SPAG17: variants seen among roughly 807,000 people sequenced by gnomAD.
The protein encoded by SPAG17 is sperm-associated antigen 17.
Under a neutral mutation model 273.6 loss-of-function variants are expected in SPAG17, and 169 were observed. The ratio of observed to expected loss-of-function variants is 0.62; its 90% confidence interval spans 0.55 to 0.70. SPAG17 has a LOEUF of 0.70. Among genes scored for constraint, SPAG17 ranks in the 30% least tolerant of loss-of-function variants. SPAG17 has a pLI of 0.00. For missense variants in SPAG17, 2,557 were observed against 2,627.8 expected, an observed-to-expected ratio of 0.97 and a Z score of 0.59; for synonymous variants, 825 against 873.2, an observed-to-expected ratio of 0.94 and a Z score of 0.97.
intron 1 of SPAG17, among the ~76,000 whole-genome samples, chr1:118,151,642 A>C (rs895300819): frequency 2.0e-5 from 3 of 152,266 alleles, no homozygotes; most frequent in African/African-American, 7.2e-5. Flanking sequence ...TTTCACTAGA[A>C]TGTTGTCCAA....
At chr1:118,034,787 GAATGTAAAACATAAGTT>G (rs984330103) in intron 24 of SPAG17, among the ~76,000 whole-genome samples, 2 of 152,172 alleles carry the variant, frequency 1.3e-5, no homozygotes, top group African/African-American at 4.8e-5. Flanking sequence ...TTTGGGTAAA[GAATGTAAAACATAAGTT>G]GGGGCCTGAT....
At chr1:118,043,554 T>C (rs1650013231) in intron 20 of SPAG17, among the ~76,000 whole-genome samples, 4 of 152,202 alleles carry the variant, frequency 2.6e-5, no homozygotes, top group Admixed American at 2.0e-4. Flanking sequence ...TCAATTGTAA[T>C]GGTATCGTGA....
intron 10 of SPAG17, among the ~76,000 whole-genome samples, chr1:118,090,506 A>C (rs1655297803): frequency 6.6e-6 from 1 of 152,218 alleles, no homozygotes; most frequent in Non-Finnish European, 1.5e-5. Flanking sequence ...GCCTTAAATA[A>C]AGCAAAAAGA....
intron 28 of SPAG17, among the ~76,000 whole-genome samples, chr1:118,016,501 T>C (rs1484606411): frequency 1.3e-5 from 2 of 152,214 alleles, no homozygotes; most frequent in African/African-American, 2.4e-5. Context: ...TACTTCTCTC[T>C]GGGTCCCAGA....
At chr1:117,999,880 A>C (rs1468798241) in intron 32 of SPAG17, among the ~76,000 whole-genome samples, 1 of 152,084 alleles carries the variant, frequency 6.6e-6, no homozygotes, top group Non-Finnish European at 1.5e-5. Flanking sequence ...TTGGTGTTTT[A>C]GTCATGAAGT....
intron 16 of SPAG17, 91 bp from the exon 17 acceptor site, chr1:118,074,058 C>A: frequency 1.3e-6 from 1 of 787,132 alleles, no homozygotes; most frequent in Non-Finnish European, 2.0e-6. Flanking sequence ...AGTATGTACT[C>A]CATCTAATTG....
At position 117,973,627 on chromosome 1, in the gene SPAG17, C is replaced by T. The variant is rs905851157; in HGVS notation, c.6005-66G>A. The T allele has an allele frequency of 2.7e-5, 41 of 1,513,672 alleles. No individual in the cohort carries two copies. The African/African-American group carries it at 5.3e-4, about 19-fold the overall frequency. The allele number at this position is 1,513,672 out of a possible 1,614,324, so 93.8% of individuals were successfully genotyped here. ...TATTCAAACACATTTGAAGTAATAT[C>T]AGAATGTATGACAACAGAAACCAAC... On this transcript the variant is annotated intron_variant, in intron 43 of 48. Transcript: ENST00000336338.
chr1:118,041,919 T>C lies in SPAG17; in HGVS notation c.2938A>G (p.Ser980Gly), dbSNP rs964749041. ...GGTGATTTTTTCTTCAAAGACCTAC[T>C]ATCCTCTTTCTCTGCGTTATCCTTG... ...KGKDNAEKEDSRSLKKKSPYK... is the reference protein window; with the variant it reads ...KGKDNAEKEDGRSLKKKSPYK... The change falls in exon 21 of 49, where the codon AGT (serine) becomes GGT (glycine). Residue 980 changes from serine (S) to glycine (G), a missense_variant. Physicochemically the swap from Ser to Gly is moderately conservative, Grantham distance 56. Coordinates refer to ENST00000336338, the MANE Select transcript of SPAG17 (RefSeq NM_206996.4). 5 of 1,613,878 alleles carry C rather than the reference T, an allele frequency of 3.1e-6. No individual in the cohort carries two copies. Among genetic ancestry groups the C allele is most frequent in the African/African-American group, 1.3e-5 (1 of 74,926 alleles).
chr1:118,089,016 T>A (rs1043356022), intron 10 of SPAG17, among the ~76,000 whole-genome samples: 3 of 152,226 alleles, frequency 2.0e-5, no homozygotes, highest in Admixed American at 1.3e-4. Flanking sequence ...GACTACATTG[T>A]TACTGCTTGC....
intron 4 of SPAG17, among the ~76,000 whole-genome samples, chr1:118,104,440 T>C (rs1039931088): frequency 2.0e-5 from 3 of 152,202 alleles, no homozygotes; most frequent in Non-Finnish European, 4.4e-5. Flanking sequence ...GGTAGTTCAA[T>C]ACACACATTC....
At position 118,088,271 on chromosome 1, in the gene SPAG17, T is replaced by G. The variant is rs1457155043; in HGVS notation, c.1360-1263A>C. ...CTTCGTTCATTCAACATGGATCTAC[T>G]GGTTGACTTCTATTTGTTAGGCGCC... On this transcript the variant is annotated intron_variant, in intron 10 of 48. Transcript: ENST00000336338. 9.9e-5 allele frequency among the ~76,000 whole-genome samples: 15 copies of G among 152,238 alleles called. 1 individual carries two copies. Among genetic ancestry groups the G allele is most frequent in the Non-Finnish European group, 2.2e-4 (15 of 68,044 alleles).
At chr1:118,164,263 C>T (rs1660060785) in intron 1 of SPAG17, among the ~76,000 whole-genome samples, 1 of 152,192 alleles carries the variant, frequency 6.6e-6, no homozygotes, top group African/African-American at 2.4e-5. Flanking sequence ...AACATTTCTA[C>T]TTTAATGTTC....
chr1:117,973,449 C>T lies in SPAG17; in HGVS notation c.6117G>A (p.Lys2039=), dbSNP rs1415012281. The T allele has an allele frequency of 1.7e-5, 28 of 1,613,698 alleles. No homozygotes were observed. The highest frequency in any genetic ancestry group is 4.5e-5 in the East Asian group (2 of 44,876). Residue 2039 remains lysine (K), a synonymous_variant, in exon 44 of 49, where the codon AAG becomes AAA. Coordinates refer to ENST00000336338, the MANE Select transcript of SPAG17 (RefSeq NM_206996.4). ...CCTTTGCAAGAGGTTGAGACTTAGG[C>T]TTGGAACTCAGCAAATAATGAGGCA... ...VKLPHYLLSS[K]PKSQPLAKVQ...
chr1:118,039,245 G>C, intron 23 of SPAG17, 47 bp downstream of exon 23: 1 of 1,584,194 alleles, frequency 6.3e-7, no homozygotes, highest in Non-Finnish European at 8.6e-7. Flanking sequence ...AGTGGACAGA[G>C]ACAGGAGTAT....
At chr1:118,168,117 G>A (rs1660255634) in intron 1 of SPAG17, among the ~76,000 whole-genome samples, 1 of 152,086 alleles carries the variant, frequency 6.6e-6, no homozygotes, top group Non-Finnish European at 1.5e-5. Context: ...CCAGTCCCTG[G>A]TATTTCTTTA....
At position 117,973,578 on chromosome 1, in the gene SPAG17, T is replaced by G. The variant is rs368186331; in HGVS notation, c.6005-17A>C. ...ATTCTGCTTCTGTTAGAGAGAAAGC[T>G]TAAATTATGCCACATGGACATTTTA... On this transcript the variant is annotated splice_polypyrimidine_tract_variant and intron_variant, in intron 43 of 48. Coordinates refer to ENST00000336338, the MANE Select transcript of SPAG17 (RefSeq NM_206996.4). 268 of 1,610,898 alleles carry G rather than the reference T, an allele frequency of 1.7e-4. No individual in the cohort carries two copies. The highest frequency in any genetic ancestry group is 2.2e-4 in the Non-Finnish European group (256 of 1,178,066).
At chr1:117,995,041 A>G (rs941049809) in intron 34 of SPAG17, among the ~76,000 whole-genome samples, 1 of 151,978 alleles carries the variant, frequency 6.6e-6, no homozygotes, top group African/African-American at 2.4e-5. Flanking sequence ...TTTTGCCTCT[A>G]CCTCAACTTG....
intron 18 of SPAG17, 85 bp from the exon 19 acceptor site, chr1:118,055,999 T>C: frequency 8.9e-7 from 1 of 1,128,376 alleles, no homozygotes; most frequent in Non-Finnish European, 1.2e-6. Flanking sequence ...ATAAACTTTT[T>C]GCTCATGTCA....
intron 1 of SPAG17, among the ~76,000 whole-genome samples, chr1:118,180,769 T>A (rs75147583): frequency 6.6e-6 from 1 of 151,558 alleles, no homozygotes; most frequent in African/African-American, 2.4e-5. Flanking sequence ...TTAAAGGGAG[T>A]CCTTGAAGTT....
Sources: gnomAD v4.1 joint callset for allele counts (sites outside exome capture counted in the v4.1 genomes callset) on GRCh38, gnomAD v4.1.1 for gene constraint, MANE v1.5 for transcripts, NCBI Gene and HGNC (gene_info 2026-07-23, HGNC 2026-07-21) for gene names.